Variants in GIGYF2 observed in about 807,000 individuals in gnomAD.
GIGYF2 encodes GRB10 interacting GYF protein 2.
GIGYF2 carries 25 observed loss-of-function variants against 208.1 expected under a neutral mutation model. That is an observed-to-expected ratio of 0.12 (90% CI 0.09 to 0.17). GIGYF2 has a LOEUF of 0.17. Among genes scored for constraint, GIGYF2 ranks in the 10% least tolerant of loss-of-function variants. GIGYF2 has a pLI of 1.00. For missense variants in GIGYF2, 1,302 were observed against 1,579.4 expected, an observed-to-expected ratio of 0.82 and a Z score of 2.98; for synonymous variants, 534 against 543.8, an observed-to-expected ratio of 0.98 and a Z score of 0.25.
At chr2:232,784,386 C>A (rs373327546) in intron 8 of GIGYF2, among the ~76,000 whole-genome samples, 3 of 92,312 alleles carry the variant, frequency 3.2e-5, no homozygotes, top group Admixed American at 1.6e-4. Flanking sequence ...GAAATAATTT[C>A]TTTTTTTTTT....
chr2:232,709,731 C>T (rs1453281575), intron 2 of GIGYF2, among the ~76,000 whole-genome samples: 1 of 151,768 alleles, frequency 6.6e-6, no homozygotes, highest in Non-Finnish European at 1.5e-5. Flanking sequence ...ATCCCTTGAA[C>T]CCGGGAGGCA....
At chr2:232,726,360 C>A (rs1360204638) in intron 2 of GIGYF2, among the ~76,000 whole-genome samples, 2 of 134,164 alleles carry the variant, frequency 1.5e-5, no homozygotes, top group Non-Finnish European at 3.1e-5. Context: ...CAGAGCAAGG[C>A]TCTGTCTCAA....
intron 8 of GIGYF2, among the ~76,000 whole-genome samples, chr2:232,783,854 T>G (rs1699806370): frequency 6.6e-6 from 1 of 151,940 alleles, no homozygotes; most frequent in Non-Finnish European, 1.5e-5. Flanking sequence ...CCCAGCTAAT[T>G]TTTTTTGTAT....
Position 232,716,675 on chromosome 2 carries a change from G to A in GIGYF2, c.-44+13186G>A, listed in dbSNP as rs1299374649. Among the ~76,000 whole-genome samples, 4 of 152,034 alleles carry A rather than the reference G, an allele frequency of 2.6e-5. No homozygotes were observed. In the South Asian group the frequency reaches 8.3e-4, roughly 32 times the overall value. ...TGGGATTACAGGCATGAGCCACTGCGCCTGGCCAGTGTTTTTTTTGTTTTG... is the reference window on the plus strand; with the variant it reads ...TGGGATTACAGGCATGAGCCACTGCACCTGGCCAGTGTTTTTTTTGTTTTG... On this transcript the variant is annotated intron_variant, in intron 2 of 28. Coordinates refer to ENST00000373563, the MANE Select transcript of GIGYF2 (RefSeq NM_001103146.3).
intron 21 of GIGYF2, among the ~76,000 whole-genome samples, chr2:232,820,448 G>C (rs1035770014): frequency 6.6e-6 from 1 of 151,714 alleles, no homozygotes; most frequent in African/African-American, 2.4e-5. Context: ...CCAAGTAGCT[G>C]GGACTACAGG....
rs1690608056 is a variant in GIGYF2 at position 232,857,096 on chromosome 2, T to C, written c.*236T>C. ...GGACCCTGTGTCTTGGGGGTGGCAG[T>C]TGGGATTACTCCCCAACAAGGCTGA... On this transcript the variant is annotated 3_prime_UTR_variant, in exon 29 of 29. Coordinates refer to ENST00000373563, the MANE Select transcript of GIGYF2 (RefSeq NM_001103146.3). 3.5e-6 allele frequency: 2 copies of C among 576,928 alleles called. No individual in the cohort carries two copies. Among genetic ancestry groups the C allele is most frequent in the Admixed American group, 2.9e-5 (1 of 34,424 alleles). The allele number at this position is 576,928 out of a possible 1,614,324, so 35.7% of individuals were successfully genotyped here.
At chr2:232,743,536 GT>G in intron 3 of GIGYF2, among the ~76,000 whole-genome samples, 1 of 152,226 alleles carries the variant, frequency 6.6e-6, no homozygotes, top group Middle Eastern at 3.4e-3. Context: ...GTACCCAGTG[GT>G]TTTTCGTGCT....
intron 2 of GIGYF2, among the ~76,000 whole-genome samples, chr2:232,716,804 C>T (rs1037402066): frequency 4.0e-5 from 6 of 151,716 alleles, no homozygotes; most frequent in Admixed American, 6.6e-5. Flanking sequence ...TTGTTTCATG[C>T]TCACTGAAGT....
At chr2:232,754,877 C>A (rs1199210405) in intron 5 of GIGYF2, among the ~76,000 whole-genome samples, 34 of 149,348 alleles carry the variant, frequency 2.3e-4, no homozygotes, top group African/African-American at 8.4e-4. Context: ...TGATTATATA[C>A]CTATAAAGTA....
At chr2:232,843,562 CAAAAAAA>C (rs577833427) in intron 23 of GIGYF2, among the ~76,000 whole-genome samples, 2 of 91,574 alleles carry the variant, frequency 2.2e-5, no homozygotes, top group Non-Finnish European at 2.1e-5. Flanking sequence ...GACCCTGTCT[CAAAAAAA>C]AAAAAAAAAA....
Position 232,756,288 on chromosome 2 carries a change from A to C in GIGYF2, c.333A>C (p.Gly111=), listed in dbSNP as rs1430834837. 6.9e-6 allele frequency: 11 copies of C among 1,586,326 alleles called. No homozygotes were observed. The highest frequency in any genetic ancestry group is 1.4e-5 in the African/African-American group (1 of 70,214). The part of the protein sequence containing the change: ...VLRLTGRGGG[G]TVVGAPRGRS... ...GATTGACAGGACGAGGAGGAGGAGG[A>C]ACAGTGGTGGGGGCTCCTAGAGGTC... is the stretch of plus-strand genomic sequence containing the variant. Residue 111 remains glycine (G), a synonymous_variant, in exon 6 of 29, where the codon GGA becomes GGC. Coordinates refer to ENST00000373563, the MANE Select transcript of GIGYF2 (RefSeq NM_001103146.3).
chr2:232,812,369 A>T lies in GIGYF2; in HGVS notation c.2007-22A>T, dbSNP rs200203476. 3 of 990,152 alleles carry T rather than the reference A, an allele frequency of 3.0e-6. No individual in the cohort carries two copies. In the African/African-American group the frequency reaches 4.8e-5, roughly 16 times the overall value. 61.3% of individuals were successfully genotyped at this position (990,152 alleles called of 1,614,324 possible). On this transcript the variant is annotated intron_variant, in intron 17 of 28. Coordinates refer to ENST00000373563, the MANE Select transcript of GIGYF2 (RefSeq NM_001103146.3). Reference sequence around the variant, plus strand: ...TCCTGCAAATGACAAGAACAAGTTAATTTTTTATTTCCCTTTTGCAGAATA... The same window carrying T: ...TCCTGCAAATGACAAGAACAAGTTATTTTTTTATTTCCCTTTTGCAGAATA...
At chr2:232,788,765 AT>A (rs1699989746) in intron 9 of GIGYF2, among the ~76,000 whole-genome samples, 1 of 152,066 alleles carries the variant, frequency 6.6e-6, no homozygotes, top group African/African-American at 2.4e-5. Context: ...CTTTCATATC[AT>A]TTTTGTCATC....
At chr2:232,711,134 G>C (rs1220015991) in intron 2 of GIGYF2, among the ~76,000 whole-genome samples, 1 of 150,422 alleles carries the variant, frequency 6.6e-6, no homozygotes, top group Non-Finnish European at 1.5e-5. Flanking sequence ...CAGTGTCTTG[G>C]TCAGTCACCC....
chr2:232,785,583 T>A (rs1699883995), intron 8 of GIGYF2, among the ~76,000 whole-genome samples: 1 of 152,228 alleles, frequency 6.6e-6, no homozygotes, highest in Non-Finnish European at 1.5e-5. Flanking sequence ...CTGCATTCTG[T>A]TAGTCCAGCT....
At chr2:232,746,065 T>C (rs1409379821) in intron 3 of GIGYF2, among the ~76,000 whole-genome samples, 7 of 152,010 alleles carry the variant, frequency 4.6e-5, no homozygotes, top group Non-Finnish European at 8.8e-5. Flanking sequence ...TGAGACTAGG[T>C]TGGGCAATAT....
At chr2:232,853,080 TC>T (rs1256543118) in intron 28 of GIGYF2, among the ~76,000 whole-genome samples, 1 of 152,218 alleles carries the variant, frequency 6.6e-6, no homozygotes, top group African/African-American at 2.4e-5. Flanking sequence ...CTCTGGAAAT[TC>T]CTCTCATAAT....
At chr2:232,829,804 G>A (rs1033406314) in intron 21 of GIGYF2, among the ~76,000 whole-genome samples, 1 of 152,152 alleles carries the variant, frequency 6.6e-6, no homozygotes, top group African/African-American at 2.4e-5. Context: ...CCTTGCTGGT[G>A]AATGGGGGAG....
intron 8 of GIGYF2, among the ~76,000 whole-genome samples, chr2:232,783,919 C>G (rs1699809059): frequency 6.6e-6 from 1 of 152,160 alleles, no homozygotes; most frequent in Admixed American, 6.5e-5. Flanking sequence ...AACTTCTGAC[C>G]TCAGGTGATC....
Sources: gnomAD v4.1 joint callset for allele counts (sites outside exome capture counted in the v4.1 genomes callset) on GRCh38, gnomAD v4.1.1 for gene constraint, MANE v1.5 for transcripts, NCBI Gene and HGNC (gene_info 2026-07-23, HGNC 2026-07-21) for gene names.